The following MNS1 variants were observed in gnomAD, a reference collection of about 807,000 sequenced individuals.
MNS1 encodes the protein meiosis specific nuclear structural 1.
A neutral mutation model predicts 72.0 loss-of-function variants in MNS1; 63 were observed. The observed-to-expected ratio is 0.87, with a 90% CI of 0.71 to 1.08. MNS1 has a LOEUF of 1.08. Among genes scored for constraint, MNS1 ranks in the 50% least tolerant of loss-of-function variants. The pLI is 0.00. For synonymous variants in MNS1, 188 were observed against 172.1 expected (o/e 1.09, Z -0.72); for missense variants, 604 against 562.4 (o/e 1.07, Z -0.75).
At chr15:56,430,933 G>T (rs2050573778) in intron 9 of MNS1, among the ~76,000 whole-genome samples, 1 of 152,190 alleles carries the variant, frequency 6.6e-6, no homozygotes. Context: ...GGCTGAGGCA[G>T]ATGGATCACC....
intron 2 of MNS1, among the ~76,000 whole-genome samples, chr15:56,462,505 A>G (rs1259036771): frequency 6.6e-6 from 1 of 152,224 alleles, no homozygotes; most frequent in African/African-American, 2.4e-5. Context: ...TAGAGGAAAT[A>G]TAACAGATAG....
chr15:56,435,827 G>C (rs555441079), intron 7 of MNS1, among the ~76,000 whole-genome samples: 1 of 152,004 alleles, frequency 6.6e-6, no homozygotes, highest in Non-Finnish European at 1.5e-5. Flanking sequence ...TATGAAGATA[G>C]TATTACCCCG....
chr15:56,429,216 GTTAC>G, intron 9 of MNS1, 23 bp from the exon 10 acceptor site: 1 of 1,482,756 alleles, frequency 6.7e-7, no homozygotes, highest in Non-Finnish European at 9.2e-7. Flanking sequence ...TACTTTGTGG[GTTAC>G]TTTTGAATAC....
chr15:56,429,044 T>C lies in MNS1; in HGVS notation c.*57A>G. 8.9e-7 allele frequency: 1 copy of C among 1,122,032 alleles called. No homozygotes were observed. 69.5% of individuals were successfully genotyped at this position (1,122,032 alleles called of 1,614,324 possible). A position where few individuals can be genotyped will look rare whatever the true frequency, so the allele number is the denominator to read the frequency against. On this transcript the variant is annotated 3_prime_UTR_variant, in exon 10 of 10. Coordinates refer to ENST00000260453, the MANE Select transcript of MNS1 (RefSeq NM_018365.4). The stretch of plus-strand genomic sequence containing the variant: ...CCACTGAACTGTAAAACAAAAGTTA[T>C]GCTGACATCTAGTGGTAACATGCAA...
At chr15:56,454,202 T>C (rs2050966193) in intron 3 of MNS1, among the ~76,000 whole-genome samples, 1 of 152,180 alleles carries the variant, frequency 6.6e-6, no homozygotes. Flanking sequence ...ACTCAAGCAC[T>C]TTCTTCCTTT....
At chr15:56,433,800 C>G (rs2050665932) in intron 8 of MNS1, among the ~76,000 whole-genome samples, 1 of 152,104 alleles carries the variant, frequency 6.6e-6, no homozygotes, top group African/African-American at 2.4e-5. Context: ...TCTGCCATAC[C>G]AAAACATCCA....
At chr15:56,446,803 A>C (rs1477980928) in intron 4 of MNS1, 38 bp downstream of exon 4, 1 of 1,450,122 alleles carries the variant, frequency 6.9e-7, no homozygotes, top group Non-Finnish European at 9.6e-7. Flanking sequence ...TTATTTTCTA[A>C]ATGAAGCTAA....
chr15:56,459,943 T>C (rs2140381242), intron 2 of MNS1, among the ~76,000 whole-genome samples: 1 of 135,442 alleles, frequency 7.4e-6, no homozygotes, highest in African/African-American at 2.8e-5. Context: ...TGAGCCAAAA[T>C]TGCGCCATTG....
chr15:56,446,740 CA>C, intron 4 of MNS1, 100 bp downstream of exon 4: 1 of 753,502 alleles, frequency 1.3e-6, no homozygotes, highest in South Asian at 1.9e-5. Context: ...AGAAATCTAG[CA>C]GTGTAAATTC....
At chr15:56,442,039 AAAAT>A (rs1338042990) in intron 7 of MNS1, among the ~76,000 whole-genome samples, 3 of 151,872 alleles carry the variant, frequency 2.0e-5, no homozygotes, top group African/African-American at 7.3e-5. Flanking sequence ...ATAATAAAAT[AAAAT>A]AAATAAATAA....
intron 2 of MNS1, among the ~76,000 whole-genome samples, chr15:56,460,003 A>ATATAT (rs1243035397): frequency 6.1e-5 from 2 of 32,876 alleles, no homozygotes; most frequent in African/African-American, 2.3e-4. Context: ...AAAAAAAAAA[A>ATATAT]AAAAAAATAC....
At chr15:56,445,607 A>G (rs1400955103) in intron 4 of MNS1, 2 of 152,012 alleles carry the variant, frequency 1.3e-5, no homozygotes, top group Admixed American at 1.3e-4. Flanking sequence ...AAAAAATGAG[A>G]TGACAATAAC....
At chr15:56,435,232 C>G (rs1369599305) in intron 7 of MNS1, among the ~76,000 whole-genome samples, 1 of 151,816 alleles carries the variant, frequency 6.6e-6, no homozygotes, top group African/African-American at 2.4e-5. Context: ...GGAAAAGTCT[C>G]AAATCGATAA....
intron 3 of MNS1, among the ~76,000 whole-genome samples, chr15:56,452,886 C>T (rs2050957114): frequency 1.3e-5 from 2 of 152,154 alleles, no homozygotes. Context: ...TAAGAACCTT[C>T]TCAAAAGCCT....
intron 2 of MNS1, 43 bp downstream of exon 2, chr15:56,463,983 G>A (rs770831651): frequency 2.1e-5 from 32 of 1,492,302 alleles, no homozygotes; most frequent in African/African-American, 2.8e-5. Context: ...CGTTTCCAAG[G>A]TGCAAAATGA....
At chr15:56,432,106 T>C (rs2050613058) in intron 8 of MNS1, among the ~76,000 whole-genome samples, 1 of 152,172 alleles carries the variant, frequency 6.6e-6, no homozygotes. Context: ...AATTCATCCA[T>C]TCCTTATAAA....
In MNS1 at chr15:56,437,857, G is replaced by C. The variant is rs1185976654; in HGVS notation, c.1012-3462C>G. 8.0e-3 allele frequency among the ~76,000 whole-genome samples: 1,220 copies of C among 151,808 alleles called. 18 individuals carry two copies. The highest frequency in any genetic ancestry group is 0.028 in the African/African-American group (1,141 of 41,376). On this transcript the variant is annotated intron_variant, in intron 7 of 9. Coordinates refer to ENST00000260453, the MANE Select transcript of MNS1 (RefSeq NM_018365.4). ...AGAGAGCCAAATCATGAGTGAACTC[G>C]ATTCACAATTGCTTCAAAGAGAATA...
chr15:56,436,297 G>C (rs1269814288), intron 7 of MNS1, among the ~76,000 whole-genome samples: 3 of 152,184 alleles, frequency 2.0e-5, no homozygotes, highest in Non-Finnish European at 4.4e-5. Context: ...TCAGGATTAA[G>C]AAACTCACTC....
intron 2 of MNS1, 125 bp from the exon 3 acceptor site, chr15:56,456,646 A>T (rs1226379385): frequency 1.0e-6 from 1 of 955,862 alleles, no homozygotes; most frequent in African/African-American, 1.7e-5. Flanking sequence ...TTTTATTTTA[A>T]AATACAAAAT....
Sources: allele counts gnomAD v4.1 joint callset (sites outside exome capture counted in the v4.1 genomes callset), GRCh38; gene constraint gnomAD v4.1.1; transcripts MANE v1.5; gene names NCBI Gene and HGNC (gene_info 2026-07-23, HGNC 2026-07-21).